The following ARHGAP42 variants were observed in gnomAD, a reference collection of about 807,000 sequenced individuals.
ARHGAP42 encodes Rho GTPase activating protein 42, also known as rho GTPase-activating protein 42.
A neutral mutation model predicts 125.0 loss-of-function variants in ARHGAP42; 63 were observed. The observed-to-expected ratio is 0.50, with a 90% CI of 0.41 to 0.62. ARHGAP42 has a LOEUF of 0.62. Among genes scored for constraint, ARHGAP42 ranks in the 20% least tolerant of loss-of-function variants. The pLI is 0.00. For missense variants in ARHGAP42, 766 were observed against 1,024.2 expected (o/e 0.75, Z 3.44); for synonymous variants, 339 against 351.0 (o/e 0.97, Z 0.38).
chr11:100,845,118 A>G (rs901905012), intron 3 of ARHGAP42, among the ~76,000 whole-genome samples: 5 of 152,014 alleles, frequency 3.3e-5, no homozygotes, highest in Admixed American at 6.6e-5. Context: ...TATACATATC[A>G]TATGTATATA....
At chr11:100,936,469 A>C in intron 8 of ARHGAP42, 137 bp downstream of exon 8, 1 of 1,204,950 alleles carries the variant, frequency 8.3e-7, no homozygotes, top group Non-Finnish European at 1.1e-6. Context: ...CCCCACCACA[A>C]CCAAAGTGAG....
chr11:100,917,497 C>T (rs189076600), intron 5 of ARHGAP42, among the ~76,000 whole-genome samples: 3 of 152,258 alleles, frequency 2.0e-5, no homozygotes, highest in African/African-American at 7.2e-5. Flanking sequence ...GCACCTCACC[C>T]TCTTTTCCCA....
At chr11:100,794,926 A>G (rs185990013) in intron 2 of ARHGAP42, among the ~76,000 whole-genome samples, 179 bp from the exon 3 acceptor site, 10 of 152,152 alleles carry the variant, frequency 6.6e-5, no homozygotes, top group Non-Finnish European at 1.5e-4. Flanking sequence ...ATCCTATTGT[A>G]TATTGTTTTA....
intron 1 of ARHGAP42, among the ~76,000 whole-genome samples, chr11:100,711,933 T>C (rs1861571860): frequency 6.6e-6 from 1 of 152,246 alleles, no homozygotes; most frequent in Admixed American, 6.5e-5. Flanking sequence ...ATAATATCTT[T>C]GGCTAATTAA....
chr11:100,745,092 AG>A (rs1862271223), intron 1 of ARHGAP42, among the ~76,000 whole-genome samples: 1 of 151,546 alleles, frequency 6.6e-6, no homozygotes, highest in Admixed American at 6.6e-5. Context: ...GGAATGAGTC[AG>A]GGTGGAGAAT....
chr11:100,726,165 A>G (rs1044868672), intron 1 of ARHGAP42, among the ~76,000 whole-genome samples: 12 of 152,096 alleles, frequency 7.9e-5, no homozygotes, highest in Admixed American at 7.2e-4. Flanking sequence ...GTAATGTTAT[A>G]TTACATTAAA....
At chr11:100,730,357 G>T (rs1490380892) in intron 1 of ARHGAP42, among the ~76,000 whole-genome samples, 1 of 152,100 alleles carries the variant, frequency 6.6e-6, no homozygotes, top group East Asian at 1.9e-4. Flanking sequence ...GTATTTGACC[G>T]CAGAGGTATG....
chr11:100,760,243 ATGACTT>A (rs1313485254), intron 1 of ARHGAP42, among the ~76,000 whole-genome samples: 1 of 152,198 alleles, frequency 6.6e-6, no homozygotes, highest in African/African-American at 2.4e-5. Context: ...GACGTGCACA[ATGACTT>A]TGTGGATGTT....
At chr11:100,954,048 C>A (rs891283546) in intron 12 of ARHGAP42, among the ~76,000 whole-genome samples, 1 of 152,152 alleles carries the variant, frequency 6.6e-6, no homozygotes, top group Non-Finnish European at 1.5e-5. Context: ...TGCCCCAAGA[C>A]CTCCATCTTG....
chr11:100,836,834 T>G (rs950700224), intron 3 of ARHGAP42, among the ~76,000 whole-genome samples: 1 of 151,106 alleles, frequency 6.6e-6, no homozygotes, highest in Non-Finnish European at 1.5e-5. Context: ...CTCATTATTA[T>G]TTTCAACCTG....
chr11:100,882,358 T>G (rs1459776517), intron 4 of ARHGAP42, among the ~76,000 whole-genome samples: 1 of 152,214 alleles, frequency 6.6e-6, no homozygotes, highest in Non-Finnish European at 1.5e-5. Flanking sequence ...AATCATGTAA[T>G]TTTTGTTTTT....
chr11:100,743,310 C>T (rs949085082), intron 1 of ARHGAP42, among the ~76,000 whole-genome samples: 6 of 152,142 alleles, frequency 3.9e-5, no homozygotes, highest in Admixed American at 3.3e-4. Context: ...TACTTTATTT[C>T]TCCTTCATTT....
intron 1 of ARHGAP42, among the ~76,000 whole-genome samples, chr11:100,710,538 G>GTTTT (rs57891043): frequency 0.024 from 2,584 of 107,176 alleles, 300 homozygotes; most frequent in African/African-American, 0.093. Flanking sequence ...CCGGCCAGCA[G>GTTTT]TTTTTTTTTT....
Position 100,918,998 on chromosome 11 carries a change from T to C in ARHGAP42, c.487-2496T>C, listed in dbSNP as rs541875027. 2.6e-3 allele frequency among the ~76,000 whole-genome samples: 390 copies of C among 152,258 alleles called. 5 individuals are homozygous for C. The highest frequency in any genetic ancestry group is 0.01 in the Middle Eastern group (3 of 294). On this transcript the variant is annotated intron_variant, in intron 5 of 23. Transcript: ENST00000298815. ...CTTGGAGAACTCACAGGACTCAGCA[T>C]ATAGTCATACTCGTGGCTATGATTT...
intron 3 of ARHGAP42, 80 bp downstream of exon 3, chr11:100,795,246 G>T: frequency 1.8e-6 from 2 of 1,093,634 alleles, no homozygotes; most frequent in South Asian, 1.8e-5. Flanking sequence ...CTGAACTAGA[G>T]AACTTTATAC....
chr11:100,890,893 G>A (rs891745035), intron 4 of ARHGAP42, among the ~76,000 whole-genome samples: 1 of 152,120 alleles, frequency 6.6e-6, no homozygotes, highest in Non-Finnish European at 1.5e-5. Flanking sequence ...TGTGTTTTGA[G>A]AGAACTCCAA....
At chr11:100,873,297 AT>A (rs1331044996) in intron 4 of ARHGAP42, among the ~76,000 whole-genome samples, 1 of 152,186 alleles carries the variant, frequency 6.6e-6, no homozygotes, top group Non-Finnish European at 1.5e-5. Context: ...TAAGAAATAC[AT>A]TTTACATCAC....
chr11:100,847,269 C>T (rs1865092790), intron 3 of ARHGAP42, among the ~76,000 whole-genome samples: 1 of 152,150 alleles, frequency 6.6e-6, no homozygotes, highest in Non-Finnish European at 1.5e-5. Context: ...TGGCCACTCT[C>T]AATTCCTTAG....
At chr11:100,775,946 G>C (rs1863109397) in intron 2 of ARHGAP42, among the ~76,000 whole-genome samples, 2 of 152,170 alleles carry the variant, frequency 1.3e-5, no homozygotes. Flanking sequence ...GATCACCTGA[G>C]GTTGGGAGTT....
Sources: allele counts gnomAD v4.1 joint callset (sites outside exome capture counted in the v4.1 genomes callset), GRCh38; gene constraint gnomAD v4.1.1; transcripts MANE v1.5; gene names NCBI Gene and HGNC (gene_info 2026-07-23, HGNC 2026-07-21).